The following TENM2 variants were observed in gnomAD, a reference collection of about 807,000 sequenced individuals.
TENM2 encodes the protein teneurin transmembrane protein 2, also known as teneurin-2.
In TENM2, 52 loss-of-function variants were observed where a neutral mutation model predicts 245.2. The ratio of observed to expected loss-of-function variants is 0.21; its 90% CI spans 0.17 to 0.27. The LOEUF is 0.27. TENM2 is among the 10% of genes least tolerant of loss of function. The pLI is 1.00. For synonymous variants in TENM2, 1,363 were observed against 1,438.9 expected, an observed-to-expected ratio of 0.95 and a Z score of 1.19; for missense variants, 3,046 against 3,666.8, an observed-to-expected ratio of 0.83 and a Z score of 4.37.
the TENM2 span, among the ~76,000 whole-genome samples, chr5:167,072,224 C>T: frequency 6.6e-6 from 1 of 152,178 alleles, no homozygotes; most frequent in Non-Finnish European, 1.5e-5. Context: ...ACGAGAATGA[C>T]TTGAGCAAAA....
intron 2 of TENM2, among the ~76,000 whole-genome samples, chr5:167,598,368 A>C (rs1287173149): frequency 6.6e-6 from 1 of 152,162 alleles, no homozygotes; most frequent in Admixed American, 6.5e-5. Context: ...TGCCAACATG[A>C]GGCTGGCACC....
chr5:167,557,143 A>G (rs1333107538), intron 2 of TENM2, among the ~76,000 whole-genome samples: 1 of 152,194 alleles, frequency 6.6e-6, no homozygotes, highest in African/African-American at 2.4e-5. Flanking sequence ...TGAAAATTTA[A>G]TTATGGATGA....
At chr5:168,147,479 A>G (rs996549207) in intron 12 of TENM2, among the ~76,000 whole-genome samples, 5 of 152,338 alleles carry the variant, frequency 3.3e-5, no homozygotes, top group Admixed American at 6.5e-5. Context: ...CCAGCCTTCT[A>G]CTTATCCTAT....
At chr5:168,257,747 C>G (rs1767806545) in intron 27 of TENM2, among the ~76,000 whole-genome samples, 1 of 152,016 alleles carries the variant, frequency 6.6e-6, no homozygotes, top group African/African-American at 2.4e-5. Context: ...TCCCAGGTAG[C>G]TGGGATTACA....
the TENM2 span, among the ~76,000 whole-genome samples, chr5:167,050,114 A>G: frequency 6.6e-6 from 1 of 152,170 alleles, no homozygotes; most frequent in African/African-American, 2.4e-5. Flanking sequence ...TTGAGCTTGT[A>G]GAGAGAAGGG....
intron 3 of TENM2, among the ~76,000 whole-genome samples, chr5:167,889,996 A>G (rs989056086): frequency 1.3e-5 from 2 of 152,168 alleles, no homozygotes; most frequent in African/African-American, 2.4e-5. Flanking sequence ...AATCTGTGAA[A>G]CAAAGAAAGG....
chr5:167,374,860 C>T (rs1048641370), intron 1 of TENM2, among the ~76,000 whole-genome samples: 2 of 152,136 alleles, frequency 1.3e-5, no homozygotes, highest in South Asian at 4.1e-4. Context: ...AAAATGTGCA[C>T]AAGTAAGCAC....
chr5:167,673,515 A>G (rs1458575665), intron 2 of TENM2, among the ~76,000 whole-genome samples: 2 of 152,126 alleles, frequency 1.3e-5, no homozygotes, highest in East Asian at 1.9e-4. Flanking sequence ...TAGAACATCC[A>G]CTATGTAAAC....
chr5:167,022,005 C>A, the TENM2 span, among the ~76,000 whole-genome samples: 1 of 152,116 alleles, frequency 6.6e-6, no homozygotes, highest in Non-Finnish European at 1.5e-5. Context: ...TGTTGTTTTG[C>A]CCTTGATTCA....
chr5:167,607,157 T>C (rs1395039315), intron 2 of TENM2, among the ~76,000 whole-genome samples: 1 of 152,128 alleles, frequency 6.6e-6, no homozygotes, highest in Non-Finnish European at 1.5e-5. Flanking sequence ...CTGAGTCACT[T>C]CTAATTGCAA....
chr5:167,238,009 CAAAAAAAAAA>C, the TENM2 span, among the ~76,000 whole-genome samples: 3 of 44,114 alleles, frequency 6.8e-5, no homozygotes, highest in South Asian at 2.1e-3. Flanking sequence ...GACTCTGTCT[CAAAAAAAAAA>C]AAAAAAAAAA....
At chr5:168,035,496 C>CAAA (rs397949588) in intron 5 of TENM2, among the ~76,000 whole-genome samples, 66 of 69,240 alleles carry the variant, frequency 9.5e-4, no homozygotes, top group African/African-American at 2.9e-3. Context: ...GACCCTGTCT[C>CAAA]AAAAAAAAAA....
At chr5:167,918,049 A>G (rs949159181) in intron 3 of TENM2, among the ~76,000 whole-genome samples, 12 of 152,220 alleles carry the variant, frequency 7.9e-5, no homozygotes, top group Admixed American at 6.5e-4. Context: ...GACATTTAGT[A>G]CAGTGCTTAG....
chr5:168,175,025 G>A (rs1328424746), intron 13 of TENM2, among the ~76,000 whole-genome samples: 7 of 152,094 alleles, frequency 4.6e-5, no homozygotes, highest in Non-Finnish European at 1.0e-4. Context: ...TTTACTGATG[G>A]GGTCCACAGA....
At chr5:167,371,328 C>T (rs1292947090) in intron 1 of TENM2, among the ~76,000 whole-genome samples, 1 of 140,680 alleles carries the variant, frequency 7.1e-6, no homozygotes, top group Admixed American at 7.0e-5. Context: ...ACCTCCATGG[C>T]TCCCTGTTTT....
chr5:167,949,767 A>G (rs1396847237), intron 3 of TENM2, among the ~76,000 whole-genome samples: 5 of 152,098 alleles, frequency 3.3e-5, no homozygotes, highest in Admixed American at 3.3e-4. Flanking sequence ...CCCCTCCTAG[A>G]TGTTCCCACA....
intron 2 of TENM2, among the ~76,000 whole-genome samples, chr5:167,405,286 G>C (rs1762571253): frequency 6.6e-6 from 1 of 151,874 alleles, no homozygotes; most frequent in South Asian, 2.1e-4. Context: ...GTGCAAAATA[G>C]GCCTTGAAGT....
Position 167,757,933 on chromosome 5 carries a change from C to T in TENM2, c.503-118053C>T, listed in dbSNP as rs774105680. ...AATTTTAATATTCTGAAGTCTTTTT[C>T]TTAGAGCATTCAAGTATGCCTTGGT... On this transcript the variant is annotated intron_variant, in intron 2 of 28. Coordinates refer to ENST00000518659, the Ensembl canonical transcript of TENM2. Among the ~76,000 whole-genome samples the T allele has an allele frequency of 2.0e-5, 3 of 152,256 alleles. No homozygotes were observed. In the South Asian group the frequency reaches 6.2e-4, roughly 32 times the overall value.
At chr5:167,478,243 C>G (rs1767524524) in intron 2 of TENM2, among the ~76,000 whole-genome samples, 1 of 152,172 alleles carries the variant, frequency 6.6e-6, no homozygotes, top group African/African-American at 2.4e-5. Flanking sequence ...CTTGCAGGAG[C>G]TGCTTCTGTT....
Sources: gnomAD v4.1 joint callset for allele counts (sites outside exome capture counted in the v4.1 genomes callset) on GRCh38, gnomAD v4.1.1 for gene constraint, MANE v1.5 for transcripts, NCBI Gene and HGNC (gene_info 2026-07-23, HGNC 2026-07-21) for gene names.